Variants in JAKMIP2 observed in about 807,000 individuals in gnomAD.
The protein encoded by JAKMIP2 is janus kinase and microtubule-interacting protein 2.
In JAKMIP2, 25 loss-of-function variants were observed where a neutral mutation model predicts 115.0. The ratio of observed to expected loss-of-function variants is 0.22; its 90% CI spans 0.16 to 0.30. JAKMIP2 has a LOEUF of 0.30. Ranked by LOEUF, JAKMIP2 falls within the 10% of genes least tolerant of loss-of-function variation. The pLI, the probability that JAKMIP2 is intolerant of heterozygous loss-of-function variation, is 1.00. For synonymous variants in JAKMIP2, 334 were observed against 343.6 expected (o/e 0.97, Z 0.31); for missense variants, 642 against 957.6 (o/e 0.67, Z 4.35).
At chr5:147,636,492 C>G in intron 11 of JAKMIP2, 1 of 598,418 alleles carries the variant, frequency 1.7e-6, no homozygotes. Context: ...CATCATCACT[C>G]CCTATTTCTA....
intron 7 of JAKMIP2, among the ~76,000 whole-genome samples, chr5:147,642,589 T>C (rs1231955185): frequency 1.3e-5 from 2 of 152,010 alleles, no homozygotes; most frequent in Non-Finnish European, 2.9e-5. Flanking sequence ...ATGTATGAGT[T>C]ATTAGGATGT....
Position 147,661,304 on chromosome 5 carries a change from T to C in JAKMIP2, c.271A>G (p.Asn91Asp). ...TCCTGCTCGTGCTGCTTGATAAGGTTCTCCCTCACAGCCTGCAGCTCCTTC... is the reference window on the plus strand; with the variant it reads ...TCCTGCTCGTGCTGCTTGATAAGGTCCTCCCTCACAGCCTGCAGCTCCTTC... The part of the protein sequence containing the change: ...KMKELQAVRE[N>D]LIKQHEQEMS... Residue 91 changes from asparagine to aspartate, a missense_variant, in exon 3 of 22, where the codon AAC (asparagine) becomes GAC (aspartate). Physicochemically the swap from Asn to Asp is conservative, Grantham distance 23. This residue lies in a region of JAKMIP2 where 439 missense variants were observed against 570.9 expected (regional missense o/e 0.77). Transcript: ENST00000616793. 1.9e-6 allele frequency: 3 copies of C among 1,613,836 alleles called. No individual in the cohort carries two copies. The highest frequency in any genetic ancestry group is 2.5e-6 in the Non-Finnish European group (3 of 1,179,988).
intron 12 of JAKMIP2, among the ~76,000 whole-genome samples, chr5:147,633,579 C>T (rs866505392): frequency 4.1e-4 from 63 of 152,254 alleles, no homozygotes; most frequent in Middle Eastern, 6.8e-3. Context: ...CTTTTGTTTT[C>T]CTCTAGACTT....
At chr5:147,631,296 G>A in intron 14 of JAKMIP2, 117 bp downstream of exon 14, 1 of 596,178 alleles carries the variant, frequency 1.7e-6, no homozygotes, top group South Asian at 2.3e-5. Flanking sequence ...TACATAGTTT[G>A]TATCAAAATG....
intron 1 of JAKMIP2, among the ~76,000 whole-genome samples, chr5:147,760,602 A>G (rs1048896692): frequency 8.5e-5 from 13 of 152,140 alleles, no homozygotes; most frequent in African/African-American, 3.1e-4. Context: ...TAGAATGATG[A>G]CAATGGAAGC....
At chr5:147,658,400 G>C (rs1487062222) in intron 3 of JAKMIP2, among the ~76,000 whole-genome samples, 3 of 152,130 alleles carry the variant, frequency 2.0e-5, no homozygotes, top group Non-Finnish European at 4.4e-5. Context: ...ATCTTAGAGG[G>C]GCACTGGCCT....
chr5:147,628,650 A>C, intron 16 of JAKMIP2, 101 bp downstream of exon 16: 1 of 815,736 alleles, frequency 1.2e-6, no homozygotes, highest in South Asian at 1.7e-5. Flanking sequence ...AGGTATTCAC[A>C]CACAGTCATG....
chr5:147,606,002 T>A (rs1007141455), intron 20 of JAKMIP2, among the ~76,000 whole-genome samples: 1 of 152,198 alleles, frequency 6.6e-6, no homozygotes, highest in Non-Finnish European at 1.5e-5. Flanking sequence ...TCTGTTCACA[T>A]CCTTTGCCCA....
At chr5:147,619,834 C>T (rs2126650602) in intron 18 of JAKMIP2, among the ~76,000 whole-genome samples, 1 of 152,294 alleles carries the variant, frequency 6.6e-6, no homozygotes, top group East Asian at 1.9e-4. Flanking sequence ...TATTTATCAA[C>T]TTGGGCAAAG....
rs78943098 is a variant in JAKMIP2 at position 147,675,175 on chromosome 5, G to A, written c.-148-3221C>T. ...ACTTCAAAATATAATATTATGTGCC[G>A]GACTTTATATATTTTTAGCCTGGGA... On this transcript the variant is annotated intron_variant, in intron 1 of 21. Coordinates refer to ENST00000616793, the MANE Select transcript of JAKMIP2 (RefSeq NM_001270941.2). Among the ~76,000 whole-genome samples, 19 of 151,978 alleles carry A rather than the reference G, an allele frequency of 1.3e-4. No homozygotes were observed. The South Asian group carries it at 2.7e-3, about 22-fold the overall frequency.
At chr5:147,673,357 C>A (rs1286854116) in intron 1 of JAKMIP2, among the ~76,000 whole-genome samples, 1 of 152,162 alleles carries the variant, frequency 6.6e-6, no homozygotes, top group Non-Finnish European at 1.5e-5. Flanking sequence ...GAGCTTCAGT[C>A]CAGAGCTAAG....
At chr5:147,626,142 T>C (rs1302861005) in intron 16 of JAKMIP2, among the ~76,000 whole-genome samples, 2 of 152,220 alleles carry the variant, frequency 1.3e-5, no homozygotes, top group African/African-American at 4.8e-5. Flanking sequence ...TACTTGGATG[T>C]AGAAACTTTT....
At chr5:147,707,768 C>T (rs1752635490) in intron 1 of JAKMIP2, among the ~76,000 whole-genome samples, 1 of 152,142 alleles carries the variant, frequency 6.6e-6, no homozygotes, top group South Asian at 2.1e-4. Context: ...GAGTCAATGA[C>T]TGATATGCAA....
intron 21 of JAKMIP2, among the ~76,000 whole-genome samples, chr5:147,596,346 T>G (rs1442151076): frequency 2.0e-5 from 3 of 152,152 alleles, no homozygotes; most frequent in Non-Finnish European, 4.4e-5. Flanking sequence ...GTTATAAGAA[T>G]GTCTATAGTG....
chr5:147,618,124 A>G lies in JAKMIP2; in HGVS notation c.2143-10T>C, dbSNP rs757912375. 24 of 1,606,964 alleles carry G rather than the reference A, an allele frequency of 1.5e-5. No individual in the cohort carries two copies. In the South Asian group the frequency reaches 2.5e-4, roughly 17 times the overall value. On this transcript the variant is annotated splice_polypyrimidine_tract_variant and intron_variant, in intron 18 of 21. Coordinates refer to ENST00000616793, the MANE Select transcript of JAKMIP2 (RefSeq NM_001270941.2). ...CTAGTTCCTGGATTCTCTGGCAAATAGAATTAGAAAAGTCTAACTTTGGAA... is the reference window on the plus strand; with the variant it reads ...CTAGTTCCTGGATTCTCTGGCAAATGGAATTAGAAAAGTCTAACTTTGGAA...
intron 1 of JAKMIP2, among the ~76,000 whole-genome samples, chr5:147,695,666 G>GTA (rs1350359402): frequency 2.8e-5 from 4 of 143,710 alleles, no homozygotes; most frequent in African/African-American, 1.1e-4. Context: ...GTGTGTGTGT[G>GTA]TGTGTGTGTG....
chr5:147,670,399 C>A (rs1759519064), intron 2 of JAKMIP2, among the ~76,000 whole-genome samples: 1 of 152,072 alleles, frequency 6.6e-6, no homozygotes, highest in African/African-American at 2.4e-5. Context: ...AATAAGGCAA[C>A]TTTATGCTGT....
Position 147,644,897 on chromosome 5 carries a change from G to T in JAKMIP2, c.1036C>A (p.Arg346Ser), listed in dbSNP as rs562097044. 6.2e-7 allele frequency: 1 copy of T among 1,612,832 alleles called. No homozygotes were observed. The highest frequency in any genetic ancestry group is 1.1e-5 in the South Asian group (1 of 91,038). The change falls in exon 6 of 22, where the codon CGC becomes AGC. Residue 346 changes from arginine to serine, a missense_variant. Transcript: ENST00000616793. Reference protein sequence around the residue: ...RNDELMVSLQRMEEKLKAVTK... With the variant: ...RNDELMVSLQSMEEKLKAVTK... Reference sequence around the variant, plus strand: ...ACGGCTTTTAGTTTTTCTTCCATGCGCTGCAAGGACACCATCAGTTCATCG... The same window carrying T: ...ACGGCTTTTAGTTTTTCTTCCATGCTCTGCAAGGACACCATCAGTTCATCG...
At chr5:147,639,449 C>A (rs986695872) in intron 10 of JAKMIP2, among the ~76,000 whole-genome samples, 183 bp downstream of exon 10, 2 of 152,174 alleles carry the variant, frequency 1.3e-5, no homozygotes, top group African/African-American at 4.8e-5. Context: ...AAGCATTGAT[C>A]TAAGCTGGTT....
Sources: gnomAD v4.1 joint callset for allele counts (sites outside exome capture counted in the v4.1 genomes callset) on GRCh38, gnomAD v4.1.1 for gene constraint, gnomAD v4.1.1 regional missense constraint, MANE v1.5 for transcripts, NCBI Gene and HGNC (gene_info 2026-07-23, HGNC 2026-07-21) for gene names.